OR51E2: variants seen among roughly 807,000 people sequenced by gnomAD.
The protein encoded by OR51E2 is olfactory receptor 51E2.
OR51E2 carries 14 observed loss-of-function variants against 13.7 expected under a neutral mutation model. The observed-to-expected ratio is 1.02, with a 90% confidence interval of 0.68 to 1.60. OR51E2 has a LOEUF of 1.60. OR51E2 is among the 40% of genes most tolerant of loss of function. The pLI, the probability that OR51E2 is intolerant of heterozygous loss-of-function variation, is 0.00. For missense variants in OR51E2, 483 were observed against 413.8 expected (o/e 1.17, Z -1.45); for synonymous variants, 180 against 157.6 (o/e 1.14, Z -1.07).
intron 1 of OR51E2, chr11:4,691,696 T>C (rs753706450): frequency 1.6e-4 from 57 of 365,812 alleles, no homozygotes; most frequent in Middle Eastern, 1.1e-3. Context: ...TTCTGCAAAG[T>C]TGACGTGATG....
chr11:4,696,812 C>G (rs1037601120), intron 1 of OR51E2, among the ~76,000 whole-genome samples: 2 of 152,208 alleles, frequency 1.3e-5, no homozygotes, highest in Non-Finnish European at 2.9e-5. Flanking sequence ...TTGTGGCTGT[C>G]TTAATCTGCT....
At chr11:4,694,565 CATAT>C (rs535692653) in intron 1 of OR51E2, among the ~76,000 whole-genome samples, 7 of 137,310 alleles carry the variant, frequency 5.1e-5, no homozygotes, top group Non-Finnish European at 1.6e-5. Context: ...CACACACATA[CATAT>C]ATATATACAC....
At chr11:4,692,155 C>T (rs1471440737) in intron 1 of OR51E2, 3 of 452,584 alleles carry the variant, frequency 6.6e-6, no homozygotes, top group Non-Finnish European at 1.3e-5. Context: ...AGCAATATTA[C>T]ATTGGTCATA....
chr11:4,685,330 C>G (rs1847503081), intron 1 of OR51E2, among the ~76,000 whole-genome samples: 1 of 152,160 alleles, frequency 6.6e-6, no homozygotes, highest in Non-Finnish European at 1.5e-5. Context: ...ATACAGGGCT[C>G]TCGACAATCT....
intron 1 of OR51E2, among the ~76,000 whole-genome samples, chr11:4,693,393 G>A (rs1269536452): frequency 2.0e-5 from 3 of 152,150 alleles, no homozygotes; most frequent in South Asian, 4.1e-4. Context: ...AAGTTGAGAC[G>A]AAGAATTCCC....
At chr11:4,683,808 ACTT>A (rs1318076080) in intron 1 of OR51E2, among the ~76,000 whole-genome samples, 1 of 152,272 alleles carries the variant, frequency 6.6e-6, no homozygotes, top group East Asian at 1.9e-4. Context: ...ACTTCATGAA[ACTT>A]CTTCTCTGCT....
chr11:4,681,976 C>A lies in OR51E2; in HGVS notation c.736G>T (p.Val246Leu). Residue 246 changes from valine (V) to leucine (L), a missense_variant, in exon 2 of 2, where the codon GTG becomes TTG. Physicochemically the swap from Val to Leu is conservative, Grantham distance 32. Transcript: ENST00000396950. Reference sequence around the variant, plus strand: ...AGTGGCACATAGAAGGCGAGTACCACACCAATGTGTGACACACAGGTTCCA... The same window carrying A: ...AGTGGCACATAGAAGGCGAGTACCAAACCAATGTGTGACACACAGGTTCCA... ...AFGTCVSHIGVVLAFYVPLIG... is the reference protein window; with the variant it reads ...AFGTCVSHIGLVLAFYVPLIG... 2 of 1,614,218 alleles carry A rather than the reference C, an allele frequency of 1.2e-6. No homozygotes were observed. The highest frequency in any genetic ancestry group is 1.7e-6 in the Non-Finnish European group (2 of 1,180,036).
chr11:4,681,692 T>C lies in OR51E2; in HGVS notation c.*57A>G, dbSNP rs1847451996. On this transcript the variant is annotated 3_prime_UTR_variant, in exon 2 of 2. Transcript: ENST00000396950. ...TGGGCAACTGGAAATAAGCTAGTGT[T>C]AGAAATAATTATGTTTATCAAGCCA... The C allele has an allele frequency of 5.7e-6, 9 of 1,589,754 alleles. No homozygotes were observed. The highest frequency in any genetic ancestry group is 1.3e-5 in the African/African-American group (1 of 74,516).
At chr11:4,683,366 G>C (rs533881197) in intron 1 of OR51E2, among the ~76,000 whole-genome samples, 9 of 152,264 alleles carry the variant, frequency 5.9e-5, no homozygotes, top group East Asian at 3.9e-4. Flanking sequence ...TCTAAAGTCA[G>C]CCAGAGGAAT....
rs185905792 is a variant in OR51E2 at position 4,680,507 on chromosome 11, T to G, written c.*1242A>C. ...AGCTGAGGAAATAAATGGCAGATGT[T>G]ACACAGGAAGCAATATAACATGGTC... On this transcript the variant is annotated 3_prime_UTR_variant, in exon 2 of 2. Coordinates refer to ENST00000396950, the MANE Select transcript of OR51E2 (RefSeq NM_030774.4). 2 of 152,658 alleles carry G rather than the reference T, an allele frequency of 1.3e-5. No homozygotes were observed. Among genetic ancestry groups the G allele is most frequent in the South Asian group, 4.1e-4 (2 of 4,828 alleles). 9.5% of individuals were successfully genotyped at this position (152,658 alleles called of 1,614,324 possible). A position where few individuals can be genotyped will look rare whatever the true frequency, so the allele number is the denominator to read the frequency against.
At chr11:4,691,809 GTATT>G (rs199694008) in intron 1 of OR51E2, 7,292 of 303,746 alleles carry the variant, frequency 0.024, 141 homozygotes, top group South Asian at 0.047. Flanking sequence ...AAACTGATGA[GTATT>G]TATATAATAT....
Position 4,684,886 on chromosome 11 carries a change from C to T in OR51E2, c.-50-2125G>A, listed in dbSNP as rs1464500947. ...TGACTGTTGCATTCATTCTCACTTGCCTTTCCTGATTGTTAGCTAAGACTC... is the reference window on the plus strand; with the variant it reads ...TGACTGTTGCATTCATTCTCACTTGTCTTTCCTGATTGTTAGCTAAGACTC... On this transcript the variant is annotated intron_variant, in intron 1 of 1. Transcript: ENST00000396950. Among the ~76,000 whole-genome samples, 3 of 152,118 alleles carry T rather than the reference C, an allele frequency of 2.0e-5. 1 individual carries two copies. The highest frequency in any genetic ancestry group is 4.4e-5 in the Non-Finnish European group (3 of 68,042).
At chr11:4,694,036 GC>G (rs1847621006) in intron 1 of OR51E2, among the ~76,000 whole-genome samples, 1 of 152,132 alleles carries the variant, frequency 6.6e-6, no homozygotes, top group East Asian at 1.9e-4. Context: ...TAGTTCCTAC[GC>G]AATATCTGAG....
At chr11:4,696,620 A>G (rs1847659516) in intron 1 of OR51E2, among the ~76,000 whole-genome samples, 1 of 152,112 alleles carries the variant, frequency 6.6e-6, no homozygotes, top group East Asian at 1.9e-4. Flanking sequence ...GAGGCACTAA[A>G]TTTCCCCCAA....
At chr11:4,692,156 A>G (rs1847590086) in intron 1 of OR51E2, 2 of 452,842 alleles carry the variant, frequency 4.4e-6, no homozygotes, top group Non-Finnish European at 4.4e-6. Context: ...GCAATATTAC[A>G]TTGGTCATAA....
intron 1 of OR51E2, chr11:4,691,196 G>A (rs894706478): frequency 8.8e-6 from 4 of 456,684 alleles, no homozygotes; most frequent in African/African-American, 2.0e-5. Context: ...TGTGGCAGTA[G>A]GAAAGTCTTA....
intron 1 of OR51E2, chr11:4,691,136 G>C (rs1228881235): frequency 2.0e-5 from 9 of 456,568 alleles, no homozygotes; most frequent in African/African-American, 6.0e-5. Context: ...CTGTGCATGA[G>C]AGCTTCATCA....
chr11:4,691,000 C>A (rs1301848371), intron 1 of OR51E2: 4 of 455,142 alleles, frequency 8.8e-6, no homozygotes, highest in Admixed American at 2.4e-5. Flanking sequence ...TCCTTCCTCT[C>A]TTCTGGGGAA....
At chr11:4,695,047 G>A (rs1385448711) in intron 1 of OR51E2, among the ~76,000 whole-genome samples, 5 of 152,086 alleles carry the variant, frequency 3.3e-5, no homozygotes, top group Admixed American at 2.0e-4. Context: ...GGGGTATATC[G>A]AAGTCTTAAA....
Sources: gnomAD v4.1 joint callset for allele counts (sites outside exome capture counted in the v4.1 genomes callset) on GRCh38, gnomAD v4.1.1 for gene constraint, MANE v1.5 for transcripts, NCBI Gene and HGNC (gene_info 2026-07-23, HGNC 2026-07-21) for gene names.